Variants in ZNRF2 observed in about 807,000 individuals in gnomAD.
ZNRF2 encodes the protein E3 ubiquitin-protein ligase ZNRF2.
A neutral mutation model predicts 20.4 loss-of-function variants in ZNRF2; 16 were observed. The observed-to-expected ratio is 0.79, with a 90% CI of 0.53 to 1.19. The LOEUF (loss-of-function observed/expected upper bound fraction) is 1.19. Ranked by LOEUF, ZNRF2 falls within the 50% of genes most tolerant of loss-of-function variation. The pLI is 0.00. For missense variants in ZNRF2, 363 were observed against 332.4 expected (o/e 1.09, Z -0.72); for synonymous variants, 178 against 144.9 (o/e 1.23, Z -1.64).
chr7:30,312,914 T>C (rs887851376), intron 1 of ZNRF2, among the ~76,000 whole-genome samples: 1 of 152,158 alleles, frequency 6.6e-6, no homozygotes, highest in Non-Finnish European at 1.5e-5. Flanking sequence ...ATTTAGTAAA[T>C]AGCTTTGGGA....
chr7:30,285,276 CT>C lies in ZNRF2; in HGVS notation c.-81del. The C allele has an allele frequency of 8.1e-6, 8 of 991,512 alleles. No individual in the cohort carries two copies. Among genetic ancestry groups the C allele is most frequent in the African/African-American group, 7.0e-5 (4 of 56,870 alleles). The allele number at this position is 991,512 out of a possible 1,614,324, so 61.4% of individuals were successfully genotyped here. On this transcript the variant is annotated 5_prime_UTR_variant, in exon 1 of 5. Transcript: ENST00000323037. ...CTGGGCCGGCCGCGGCGCCTGGGCC[CT>C]GCCCTCTAGCTCCCGCGCTCGCTCC...
chr7:30,362,362 T>A lies in ZNRF2; in HGVS notation c.672-15T>A. ...GTATAAGTATCTCAATTTTTCTGGTTTTGTTCCTTTCTAGCTGCATAGATG... is the reference window on the plus strand; with the variant it reads ...GTATAAGTATCTCAATTTTTCTGGTATTGTTCCTTTCTAGCTGCATAGATG... On this transcript the variant is annotated splice_polypyrimidine_tract_variant and intron_variant, in intron 3 of 4. Coordinates refer to ENST00000323037, the MANE Select transcript of ZNRF2 (RefSeq NM_147128.4). 1 of 1,562,230 alleles carries A rather than the reference T, an allele frequency of 6.4e-7. No homozygotes were observed. Among genetic ancestry groups the A allele is most frequent in the Non-Finnish European group, 8.7e-7 (1 of 1,147,534 alleles).
At chr7:30,303,361 A>G (rs1461131160) in intron 1 of ZNRF2, among the ~76,000 whole-genome samples, 1 of 152,160 alleles carries the variant, frequency 6.6e-6, no homozygotes, top group Non-Finnish European at 1.5e-5. Context: ...CCTTTTTAAA[A>G]TCATTAATTT....
At chr7:30,323,533 G>GT (rs1024186772) in intron 1 of ZNRF2, 109 bp from the exon 2 acceptor site, 30 of 654,914 alleles carry the variant, frequency 4.6e-5, no homozygotes, top group Middle Eastern at 7.3e-4. Flanking sequence ...GTGTAATGCA[G>GT]TAAGTGTAAT....
intron 1 of ZNRF2, among the ~76,000 whole-genome samples, chr7:30,293,563 C>T (rs961428917): frequency 4.6e-5 from 7 of 152,038 alleles, no homozygotes; most frequent in African/African-American, 1.2e-4. Flanking sequence ...AATTTATCAG[C>T]GACATGGGAT....
At chr7:30,301,288 G>A (rs926530362) in intron 1 of ZNRF2, among the ~76,000 whole-genome samples, 1 of 152,128 alleles carries the variant, frequency 6.6e-6, no homozygotes. Flanking sequence ...CTCGGGACCA[G>A]CCTGGCCAAC....
At chr7:30,330,170 T>A (rs1799615750) in intron 2 of ZNRF2, among the ~76,000 whole-genome samples, 1 of 152,202 alleles carries the variant, frequency 6.6e-6, no homozygotes. Context: ...ATTTAAGGAA[T>A]CTTTGTTTTA....
intron 1 of ZNRF2, among the ~76,000 whole-genome samples, chr7:30,304,490 A>AT (rs35544610): frequency 1.3e-5 from 2 of 152,184 alleles, no homozygotes; most frequent in African/African-American, 4.8e-5. Flanking sequence ...AATGCAAATT[A>AT]TTTTGGTCTT....
intron 3 of ZNRF2, among the ~76,000 whole-genome samples, chr7:30,361,613 A>G (rs1001323933): frequency 6.6e-6 from 1 of 152,210 alleles, no homozygotes; most frequent in African/African-American, 2.4e-5. Context: ...AGAACTTTCT[A>G]CCATAATGGA....
At chr7:30,334,950 A>G (rs1265310450) in intron 2 of ZNRF2, among the ~76,000 whole-genome samples, 19 of 152,204 alleles carry the variant, frequency 1.2e-4, no homozygotes. Context: ...TAGAAATGCT[A>G]TAAAAGTACA....
At chr7:30,334,369 C>T (rs1216241075) in intron 2 of ZNRF2, among the ~76,000 whole-genome samples, 1 of 152,030 alleles carries the variant, frequency 6.6e-6, no homozygotes, top group Non-Finnish European at 1.5e-5. Context: ...ATTTTTGTAC[C>T]AGCACCATGA....
chr7:30,318,959 A>G (rs1260289653), intron 1 of ZNRF2, among the ~76,000 whole-genome samples: 1 of 152,110 alleles, frequency 6.6e-6, no homozygotes, highest in African/African-American at 2.4e-5. Flanking sequence ...TAAAAATACA[A>G]AAATTAGCTG....
intron 2 of ZNRF2, among the ~76,000 whole-genome samples, chr7:30,324,031 T>C (rs759064536): frequency 2.1e-4 from 32 of 152,212 alleles, no homozygotes; most frequent in Non-Finnish European, 4.6e-4. Context: ...AATATAATTA[T>C]GTTGACAACT....
At chr7:30,295,574 G>T (rs1002359531) in intron 1 of ZNRF2, among the ~76,000 whole-genome samples, 26 of 152,156 alleles carry the variant, frequency 1.7e-4, no homozygotes, top group African/African-American at 6.3e-4. Context: ...GCCAGGTGTG[G>T]TGGTGCGTGC....
At chr7:30,289,649 CTGTG>C (rs1798861286) in intron 1 of ZNRF2, 4 of 355,202 alleles carry the variant, frequency 1.1e-5, no homozygotes, top group Non-Finnish European at 2.3e-5. Flanking sequence ...ACATGTTTTG[CTGTG>C]TGTAAGTGTG....
At chr7:30,298,685 T>G (rs7784770) in intron 1 of ZNRF2, among the ~76,000 whole-genome samples, 1 of 152,224 alleles carries the variant, frequency 6.6e-6, no homozygotes, top group African/African-American at 2.4e-5. Context: ...GTCTAGAAAC[T>G]TTTCCCTTTC....
chr7:30,286,859 C>G (rs922810870), intron 1 of ZNRF2, among the ~76,000 whole-genome samples: 9 of 152,104 alleles, frequency 5.9e-5, no homozygotes, highest in African/African-American at 2.2e-4. Context: ...AACACGATCC[C>G]CTACATTTTT....
chr7:30,329,043 A>G (rs541485478), intron 2 of ZNRF2, among the ~76,000 whole-genome samples: 5 of 152,326 alleles, frequency 3.3e-5, no homozygotes, highest in African/African-American at 1.2e-4. Flanking sequence ...TGAATCTAAT[A>G]CAAATTTTAT....
chr7:30,332,265 C>A (rs1168729354), intron 2 of ZNRF2, among the ~76,000 whole-genome samples: 1 of 152,108 alleles, frequency 6.6e-6, no homozygotes, highest in Non-Finnish European at 1.5e-5. Flanking sequence ...CACAGAAGAA[C>A]TTCACAGGTA....
Sources: gnomAD v4.1 joint callset for allele counts (sites outside exome capture counted in the v4.1 genomes callset) on GRCh38, gnomAD v4.1.1 for gene constraint, MANE v1.5 for transcripts, NCBI Gene and HGNC (gene_info 2026-07-23, HGNC 2026-07-21) for gene names.